Variants in ADAM32 observed in about 807,000 individuals in gnomAD.
ADAM32 encodes the protein ADAM metallopeptidase domain 32.
Under a neutral mutation model 114.9 loss-of-function variants are expected in ADAM32, and 89 were observed. That is an observed-to-expected ratio of 0.77 (90% CI 0.65 to 0.92). The LOEUF is 0.92. ADAM32 is among the 40% of genes least tolerant of loss of function. ADAM32 has a pLI of 0.00. For missense variants in ADAM32, 870 were observed against 932.8 expected (o/e 0.93, Z 0.88); for synonymous variants, 285 against 307.5 (o/e 0.93, Z 0.77).
At chr8:39,130,015 C>T (rs1413981163) in intron 2 of ADAM32, 13 of 316,460 alleles carry the variant, frequency 4.1e-5, no homozygotes, top group East Asian at 2.5e-4. Context: ...AGTGCAGTGG[C>T]ACAGTCTTGG....
chr8:39,231,883 T>G (rs1809756291), intron 14 of ADAM32, 144 bp from the exon 15 acceptor site: 1 of 681,014 alleles, frequency 1.5e-6, no homozygotes, highest in Non-Finnish European at 2.4e-6. Context: ...TCACTTTACT[T>G]TTTATTCTTT....
rs115719766 is a variant in ADAM32, at chr8:39,234,167, G to T, written c.1818+85G>T. On this transcript the variant is annotated intron_variant, in intron 16 of 24. Coordinates refer to ENST00000379907, the MANE Select transcript of ADAM32 (RefSeq NM_145004.7). Reference sequence around the variant, plus strand: ...TTTAAGTATCAAATTTTAATTTAGTGCTAGTATTAGGTAATCTTAAATGTT... The same window carrying T: ...TTTAAGTATCAAATTTTAATTTAGTTCTAGTATTAGGTAATCTTAAATGTT... 8.8e-3 allele frequency: 8,695 copies of T among 988,454 alleles called. 552 individuals carry two copies. The African/African-American group carries it at 0.13, about 15-fold the overall frequency. 61.2% of individuals were successfully genotyped at this position (988,454 alleles called of 1,614,324 possible). A position where few individuals can be genotyped will look rare whatever the true frequency, so the allele number is the denominator to read the frequency against.
rs117269367 is a variant in ADAM32, at chr8:39,109,576, T to C, written c.58+1743T>C. Among the ~76,000 whole-genome samples the C allele has an allele frequency of 1.7e-3, 263 of 152,118 alleles. 1 individual carries two copies. Among genetic ancestry groups the C allele is most frequent in the Middle Eastern group, 3.4e-3 (1 of 292 alleles). ...AAATAAAATAAAAAAAAAATATTAA[T>C]GAACATTATTTTTTAGAGTACGTTT... On this transcript the variant is annotated intron_variant, in intron 1 of 24. Transcript: ENST00000379907.
chr8:39,151,501 A>G lies in ADAM32; in HGVS notation c.478A>G (p.Ser160Gly), dbSNP rs17852343. The part of the protein sequence containing the change: ...DNDIAIFIDR[S>G]LKEQPMDDNI... The stretch of plus-strand genomic sequence containing the variant: ...TGATATTGCAATTTTTATTGACAGA[A>G]GCCTGAAAGAACAACCAATGGATGA... The change falls in exon 6 of 25, where the codon AGC becomes GGC. Residue 160 changes from serine to glycine, a missense_variant. Coordinates refer to ENST00000379907, the MANE Select transcript of ADAM32 (RefSeq NM_145004.7). 1.9e-6 allele frequency: 3 copies of G among 1,597,342 alleles called. No individual in the cohort carries two copies. The highest frequency in any genetic ancestry group is 1.8e-5 in the Admixed American group (1 of 56,152).
In ADAM32 at chr8:39,202,528, G is replaced by A. The variant is rs527372190; in HGVS notation, c.1053-8616G>A. 4.0e-5 allele frequency among the ~76,000 whole-genome samples: 6 copies of A among 151,574 alleles called. No individual in the cohort carries two copies. In the East Asian group the frequency reaches 1.2e-3, roughly 29 times the overall value. ...TTGATTCTTCTCTCTTTTCTTCTTTGTTAGTCTTGCTAGCAGTCTATCAAT... is the reference window on the plus strand; with the variant it reads ...TTGATTCTTCTCTCTTTTCTTCTTTATTAGTCTTGCTAGCAGTCTATCAAT... On this transcript the variant is annotated intron_variant, in intron 11 of 24. Transcript: ENST00000379907.
intron 11 of ADAM32, among the ~76,000 whole-genome samples, chr8:39,206,019 T>C (rs1351603773): frequency 6.6e-6 from 1 of 152,258 alleles, no homozygotes; most frequent in Non-Finnish European, 1.5e-5. Context: ...TACAATTTAA[T>C]GAGTTGACTT....
At chr8:39,162,020 ATT>A (rs1478786582) in intron 7 of ADAM32, among the ~76,000 whole-genome samples, 1 of 123,018 alleles carries the variant, frequency 8.1e-6, no homozygotes, top group East Asian at 2.5e-4. Context: ...ATATATATAT[ATT>A]TATTATACTT....
chr8:39,173,701 G>T (rs937453163), intron 10 of ADAM32, among the ~76,000 whole-genome samples: 1 of 151,972 alleles, frequency 6.6e-6, no homozygotes, highest in Non-Finnish European at 1.5e-5. Flanking sequence ...CTTTTATTAT[G>T]ATTGCTTTTT....
intron 10 of ADAM32, among the ~76,000 whole-genome samples, chr8:39,173,757 C>T (rs1429214519): frequency 3.9e-5 from 6 of 152,046 alleles, no homozygotes; most frequent in Non-Finnish European, 8.8e-5. Context: ...TCCTGAATGA[C>T]GTTGCCTAGA....
chr8:39,246,778 G>A (rs1278899810), intron 17 of ADAM32, among the ~76,000 whole-genome samples: 1 of 152,186 alleles, frequency 6.6e-6, no homozygotes, highest in Non-Finnish European at 1.5e-5. Context: ...TGACAAATGT[G>A]TAATGATATA....
intron 14 of ADAM32, among the ~76,000 whole-genome samples, chr8:39,224,773 CA>C (rs1209033033): frequency 6.6e-6 from 1 of 151,622 alleles, no homozygotes; most frequent in Non-Finnish European, 1.5e-5. Flanking sequence ...CATCCCCTCA[CA>C]AAAAACAAAA....
chr8:39,243,822 T>C (rs1564672622), intron 16 of ADAM32, among the ~76,000 whole-genome samples: 18 of 152,120 alleles, frequency 1.2e-4, no homozygotes. Flanking sequence ...AGTATTCAAA[T>C]TGATGATGAG....
intron 23 of ADAM32, among the ~76,000 whole-genome samples, chr8:39,281,382 G>C (rs1247676843): frequency 6.6e-6 from 1 of 151,986 alleles, no homozygotes; most frequent in African/African-American, 2.4e-5. Flanking sequence ...AATTTTTGTT[G>C]ATTGCCTACT....
chr8:39,135,659 C>T (rs1802755717), intron 2 of ADAM32, among the ~76,000 whole-genome samples: 3 of 152,160 alleles, frequency 2.0e-5, no homozygotes, highest in Admixed American at 2.0e-4. Flanking sequence ...CCAGCATGCC[C>T]CCTCCCAGGC....
intron 2 of ADAM32, among the ~76,000 whole-genome samples, chr8:39,133,692 C>T (rs567842839): frequency 1.3e-5 from 2 of 152,260 alleles, no homozygotes. Flanking sequence ...AGGGTTGTGG[C>T]AGACTAGGCG....
At chr8:39,280,813 T>C (rs1813370936) in intron 22 of ADAM32, among the ~76,000 whole-genome samples, 1 of 151,954 alleles carries the variant, frequency 6.6e-6, no homozygotes, top group African/African-American at 2.4e-5. Flanking sequence ...GATGGAGTCT[T>C]GCTCTGTCTC....
chr8:39,163,264 G>A (rs1804624715), intron 7 of ADAM32, among the ~76,000 whole-genome samples: 2 of 152,196 alleles, frequency 1.3e-5, no homozygotes, highest in African/African-American at 4.8e-5. Context: ...CAGATCAGTA[G>A]ATGGTTGCTA....
chr8:39,161,774 A>G (rs923866152), intron 7 of ADAM32, among the ~76,000 whole-genome samples: 3 of 152,114 alleles, frequency 2.0e-5, no homozygotes, highest in Non-Finnish European at 4.4e-5. Context: ...AGATGAAAAT[A>G]ACTTGATTAA....
intron 19 of ADAM32, among the ~76,000 whole-genome samples, chr8:39,266,254 G>C (rs576135425): frequency 6.6e-6 from 1 of 152,290 alleles, no homozygotes; most frequent in South Asian, 2.1e-4. Context: ...TCTCCAATAT[G>C]TTTTCCAATT....
Sources: gnomAD v4.1 joint callset for allele counts (sites outside exome capture counted in the v4.1 genomes callset) on GRCh38, gnomAD v4.1.1 for gene constraint, MANE v1.5 for transcripts, NCBI Gene and HGNC (gene_info 2026-07-23, HGNC 2026-07-21) for gene names.